Variants in SHISA6 observed in about 807,000 individuals in gnomAD.
SHISA6 encodes the protein protein shisa-6.
A neutral mutation model predicts 47.9 loss-of-function variants in SHISA6; 22 were observed. That is an observed-to-expected ratio of 0.46 (90% CI 0.33 to 0.66). The LOEUF (loss-of-function observed/expected upper bound fraction) is 0.66, where lower values mean the gene tolerates loss of function less well. Among genes scored for constraint, SHISA6 ranks in the 30% least tolerant of loss-of-function variants. SHISA6 has a pLI of 0.02. For synonymous variants in SHISA6, 388 were observed against 337.8 expected, an observed-to-expected ratio of 1.15 and a Z score of -1.63; for missense variants, 680 against 764.6, an observed-to-expected ratio of 0.89 and a Z score of 1.30.
chr17:11,312,280 TATC>T (rs2142187857), intron 2 of SHISA6, among the ~76,000 whole-genome samples: 1 of 151,352 alleles, frequency 6.6e-6, no homozygotes, highest in Non-Finnish European at 1.5e-5. Context: ...ATTAATTTAT[TATC>T]ATGTTTTTGT....
chr17:11,518,978 G>T (rs113319580), intron 3 of SHISA6, among the ~76,000 whole-genome samples: 273 of 152,228 alleles, frequency 1.8e-3, no homozygotes, highest in African/African-American at 6.1e-3. Flanking sequence ...AAGTATCTCT[G>T]TCTGGAGCCA....
intron 2 of SHISA6, among the ~76,000 whole-genome samples, chr17:11,357,426 A>G (rs1912115167): frequency 6.6e-6 from 1 of 152,220 alleles, no homozygotes; most frequent in Non-Finnish European, 1.5e-5. Context: ...AAACTTTGGA[A>G]AACACAGAAG....
At chr17:11,263,557 G>A in intron 2 of SHISA6, 31 bp downstream of exon 2, 2 of 1,550,714 alleles carry the variant, frequency 1.3e-6, no homozygotes, top group Non-Finnish European at 8.7e-7. Context: ...TTGATTCTTT[G>A]CTGAGGCTGG....
At chr17:11,281,747 T>C (rs2142161314) in intron 2 of SHISA6, among the ~76,000 whole-genome samples, 1 of 152,330 alleles carries the variant, frequency 6.6e-6, no homozygotes, top group African/African-American at 2.4e-5. Flanking sequence ...GCCTAGAATT[T>C]TTGTTTATTT....
intron 3 of SHISA6, among the ~76,000 whole-genome samples, chr17:11,518,713 T>A (rs2071605337): frequency 6.6e-6 from 1 of 152,176 alleles, no homozygotes; most frequent in South Asian, 2.1e-4. Flanking sequence ...ACCAATTGAA[T>A]CACTATAGGA....
In SHISA6 at chr17:11,479,856, T is replaced by C. The variant is rs145468280; in HGVS notation, c.896-72040T>C. Among the ~76,000 whole-genome samples, 1,147 of 152,128 alleles carry C rather than the reference T, an allele frequency of 7.5e-3. 12 individuals are homozygous for C. The highest frequency in any genetic ancestry group is 0.026 in the African/African-American group (1,088 of 41,538). ...ATATGAGAAATAAGAGTTTTTATTTTATCTTCACTTATTTTTTCTTCATTA... is the reference window on the plus strand; with the variant it reads ...ATATGAGAAATAAGAGTTTTTATTTCATCTTCACTTATTTTTTCTTCATTA... On this transcript the variant is annotated intron_variant, in intron 3 of 5. Transcript: ENST00000441885.
intron 3 of SHISA6, among the ~76,000 whole-genome samples, chr17:11,422,283 G>A (rs916413041): frequency 1.3e-5 from 2 of 152,120 alleles, no homozygotes; most frequent in East Asian, 3.9e-4. Context: ...ACATGCCTCC[G>A]GAGCAACAAA....
intron 3 of SHISA6, among the ~76,000 whole-genome samples, chr17:11,393,146 T>C (rs1307539327): frequency 6.6e-6 from 1 of 152,238 alleles, no homozygotes; most frequent in Non-Finnish European, 1.5e-5. Flanking sequence ...ATTGAGGTAT[T>C]GGGCCTTGGT....
intron 2 of SHISA6, among the ~76,000 whole-genome samples, chr17:11,302,472 C>T (rs931110069): frequency 5.9e-5 from 9 of 152,186 alleles, no homozygotes; most frequent in Non-Finnish European, 8.8e-5. Context: ...TCATTTTTTA[C>T]GTGGTCACCT....
chr17:11,550,547 T>G (rs937166677), intron 3 of SHISA6, among the ~76,000 whole-genome samples: 1 of 152,152 alleles, frequency 6.6e-6, no homozygotes, highest in South Asian at 2.1e-4. Flanking sequence ...AAGAGGACTT[T>G]GGGATACACT....
chr17:11,382,973 G>A (rs1346640103), intron 3 of SHISA6, among the ~76,000 whole-genome samples: 21 of 112,128 alleles, frequency 1.9e-4, no homozygotes, highest in Admixed American at 1.2e-3. Flanking sequence ...GTCTCACTCT[G>A]CCACCTAAGG....
chr17:11,286,673 G>C (rs1486026145), intron 2 of SHISA6, among the ~76,000 whole-genome samples: 1 of 152,184 alleles, frequency 6.6e-6, no homozygotes, highest in African/African-American at 2.4e-5. Context: ...CTCTCCAAAG[G>C]AACCAGATCC....
chr17:11,273,407 C>T (rs1055669638), intron 2 of SHISA6, among the ~76,000 whole-genome samples: 7 of 152,232 alleles, frequency 4.6e-5, no homozygotes, highest in Non-Finnish European at 8.8e-5. Flanking sequence ...ACTGCTTGCT[C>T]AGCACAAGGG....
chr17:11,273,666 C>T (rs1485686155), intron 2 of SHISA6, among the ~76,000 whole-genome samples: 3 of 152,170 alleles, frequency 2.0e-5, no homozygotes, highest in Non-Finnish European at 2.9e-5. Context: ...TCATAGTCCT[C>T]GTGTAGGCAG....
intron 2 of SHISA6, among the ~76,000 whole-genome samples, chr17:11,299,933 A>C (rs894991199): frequency 6.6e-6 from 1 of 151,984 alleles, no homozygotes; most frequent in Non-Finnish European, 1.5e-5. Context: ...ATCACGAGGT[A>C]AGGAGATCAA....
intron 2 of SHISA6, among the ~76,000 whole-genome samples, chr17:11,272,048 T>C (rs1908690277): frequency 6.6e-6 from 1 of 151,952 alleles, no homozygotes; most frequent in Non-Finnish European, 1.5e-5. Context: ...CTCCTTCAGC[T>C]CCCCTTACCT....
chr17:11,448,281 A>G (rs1915290321), intron 3 of SHISA6, among the ~76,000 whole-genome samples: 1 of 152,176 alleles, frequency 6.6e-6, no homozygotes, highest in Non-Finnish European at 1.5e-5. Context: ...CTGTAATCCC[A>G]GAACTTTTCG....
intron 2 of SHISA6, among the ~76,000 whole-genome samples, chr17:11,266,228 G>A (rs1425000489): frequency 1.3e-5 from 2 of 152,210 alleles, no homozygotes; most frequent in East Asian, 3.8e-4. Flanking sequence ...AATTGTAGGA[G>A]TATGGTAGTA....
At position 11,555,909 on chromosome 17, in the gene SHISA6, C is replaced by T. The variant is rs2071974276; in HGVS notation, c.1105+17C>T. Reference sequence around the variant, plus strand: ...AGAGGCTAAGTAAGTTGAATTTCCCCCAAGTTGGGGTCTGTCTCTGGGGCT... The same window carrying T: ...AGAGGCTAAGTAAGTTGAATTTCCCTCAAGTTGGGGTCTGTCTCTGGGGCT... On this transcript the variant is annotated intron_variant, in intron 5 of 5. Coordinates refer to ENST00000441885, the MANE Select transcript of SHISA6 (RefSeq NM_207386.4). The T allele has an allele frequency of 1.3e-6, 2 of 1,511,132 alleles. No homozygotes were observed. Among genetic ancestry groups the T allele is most frequent in the Non-Finnish European group, 1.8e-6 (2 of 1,125,038 alleles). The allele number at this position is 1,511,132 out of a possible 1,614,324, so 93.6% of individuals were successfully genotyped here. A position where few individuals can be genotyped will look rare whatever the true frequency, so the allele number is the denominator to read the frequency against.
Sources: gnomAD v4.1 joint callset for allele counts (sites outside exome capture counted in the v4.1 genomes callset) on GRCh38, gnomAD v4.1.1 for gene constraint, MANE v1.5 for transcripts, NCBI Gene and HGNC (gene_info 2026-07-23, HGNC 2026-07-21) for gene names.